SNTG1: variants seen among roughly 807,000 people sequenced by gnomAD.
The protein encoded by SNTG1 is syntrophin gamma 1, also known as gamma-1-syntrophin.
SNTG1 carries 39 observed loss-of-function variants against 74.7 expected under a neutral mutation model. That is an observed-to-expected ratio of 0.52 (90% CI 0.40 to 0.68). SNTG1 has a LOEUF of 0.68. Ranked by LOEUF, SNTG1 falls within the 30% of genes least tolerant of loss-of-function variation. The pLI is 0.00. For synonymous variants in SNTG1, 254 were observed against 217.1 expected, an observed-to-expected ratio of 1.17 and a Z score of -1.49; for missense variants, 685 against 609.5, an observed-to-expected ratio of 1.12 and a Z score of -1.30.
At chr8:50,769,324 T>G (rs998241674) in intron 18 of SNTG1, among the ~76,000 whole-genome samples, 24 of 152,174 alleles carry the variant, frequency 1.6e-4, no homozygotes, top group African/African-American at 5.3e-4. Flanking sequence ...AGTAATCATC[T>G]ACGAAGAGAA....
At chr8:50,048,865 G>A (rs1819323651) in intron 1 of SNTG1, among the ~76,000 whole-genome samples, 1 of 152,048 alleles carries the variant, frequency 6.6e-6, no homozygotes. Context: ...TAGGACTGGG[G>A]TTTGGTTTTT....
At chr8:50,320,794 G>A (rs888890912) in intron 2 of SNTG1, among the ~76,000 whole-genome samples, 4 of 151,794 alleles carry the variant, frequency 2.6e-5, no homozygotes, top group African/African-American at 4.8e-5. Flanking sequence ...GGATCATATC[G>A]TTTCATTTTC....
chr8:49,965,983 C>T (rs560969262), intron 1 of SNTG1, among the ~76,000 whole-genome samples: 1 of 152,256 alleles, frequency 6.6e-6, no homozygotes, highest in South Asian at 2.1e-4. Context: ...GCCTCCCCTT[C>T]ATCTACCCAA....
At chr8:50,518,165 C>T (rs2094149492) in intron 9 of SNTG1, among the ~76,000 whole-genome samples, 1 of 152,142 alleles carries the variant, frequency 6.6e-6, no homozygotes, top group Non-Finnish European at 1.5e-5. Context: ...CTCAAAACCA[C>T]ACAACTACAT....
chr8:50,315,615 A>T (rs2090285515), intron 2 of SNTG1, among the ~76,000 whole-genome samples: 1 of 150,056 alleles, frequency 6.7e-6, no homozygotes, highest in African/African-American at 2.5e-5. Context: ...AATAAAGCAG[A>T]AAACCTGCAG....
rs1482375164 is a variant in SNTG1 at position 50,115,576 on chromosome 8, A to AAAAAAAAAAAAAAAAAAAAAAAAAC, written c.-102-56974_-102-56973insAAAAAAAAAAAAACAAAAAAAAAAA. Among the ~76,000 whole-genome samples the AAAAAAAAAAAAAAAAAAAAAAAAAC allele has an allele frequency of 4.1e-4, 34 of 82,896 alleles. 5 individuals are homozygous for AAAAAAAAAAAAAAAAAAAAAAAAAC. Among genetic ancestry groups the AAAAAAAAAAAAAAAAAAAAAAAAAC allele is most frequent in the East Asian group, 7.0e-4 (1 of 1,426 alleles). The allele number at this position is 82,896 out of a possible 152,430, so 54.4% of individuals were successfully genotyped here. A position where few individuals can be genotyped will look rare whatever the true frequency, so the allele number is the denominator to read the frequency against. ...GAGCGAGACTCTGTCTCAAAAAAAA[A>AAAAAAAAAAAAAAAAAAAAAAAAAC]AAAAAAAAAAACGAGATGGTTGAAG... On this transcript the variant is annotated intron_variant, in intron 1 of 18. Coordinates refer to ENST00000642720, the MANE Select transcript of SNTG1 (RefSeq NM_018967.5).
chr8:49,920,534 A>C (rs1356094275), intron 1 of SNTG1, among the ~76,000 whole-genome samples: 27 of 152,088 alleles, frequency 1.8e-4, no homozygotes, highest in Non-Finnish European at 7.4e-5. Context: ...TTTAGATTGC[A>C]GTAAATAAAT....
chr8:50,771,176 A>G (rs916376861), intron 18 of SNTG1, among the ~76,000 whole-genome samples: 7 of 152,108 alleles, frequency 4.6e-5, no homozygotes, highest in Admixed American at 4.6e-4. Context: ...CTGTATTGCT[A>G]TGAATGGGAT....
In SNTG1 at chr8:50,470,334, G is replaced by A. The variant is rs143788078; in HGVS notation, c.363+19605G>A. Among the ~76,000 whole-genome samples the A allele has an allele frequency of 6.4e-4, 98 of 152,298 alleles. No individual in the cohort carries two copies. The South Asian group carries it at 7.2e-3, about 11-fold the overall frequency. On this transcript the variant is annotated intron_variant, in intron 8 of 18. Transcript: ENST00000642720. ...ATTGTGTCCAGAATTGGTTCCTTCC[G>A]GTGGGTTCTTGGTCTCGCTGACTTC... is the stretch of plus-strand genomic sequence containing the variant.
intron 2 of SNTG1, among the ~76,000 whole-genome samples, chr8:50,268,179 A>C (rs2087577835): frequency 6.6e-6 from 1 of 152,172 alleles, no homozygotes; most frequent in African/African-American, 2.4e-5. Context: ...CAGGAAAATT[A>C]TTTGGTAAAA....
intron 4 of SNTG1, among the ~76,000 whole-genome samples, chr8:50,435,742 A>G (rs1203934026): frequency 6.6e-6 from 1 of 152,170 alleles, no homozygotes; most frequent in Non-Finnish European, 1.5e-5. Context: ...TATAATTTGC[A>G]TGTTGTGTGT....
At chr8:49,965,786 G>A (rs1206213281) in intron 1 of SNTG1, among the ~76,000 whole-genome samples, 3 of 152,098 alleles carry the variant, frequency 2.0e-5, no homozygotes, top group Non-Finnish European at 4.4e-5. Context: ...ACAAATTTTA[G>A]TTATCATCCT....
intron 15 of SNTG1, among the ~76,000 whole-genome samples, chr8:50,668,918 G>A (rs1268571795): frequency 6.6e-6 from 1 of 151,950 alleles, no homozygotes; most frequent in Non-Finnish European, 1.5e-5. Flanking sequence ...CTTTGCAATT[G>A]TAAATAGTGC....
chr8:50,299,072 C>A (rs759662829), intron 2 of SNTG1, among the ~76,000 whole-genome samples: 1 of 152,220 alleles, frequency 6.6e-6, no homozygotes, highest in African/African-American at 2.4e-5. Context: ...AAAGTAATTA[C>A]AAAGTAATTG....
intron 1 of SNTG1, among the ~76,000 whole-genome samples, chr8:49,968,433 G>A (rs78036395): frequency 0.048 from 7,373 of 152,078 alleles, 603 homozygotes; most frequent in African/African-American, 0.16. Context: ...TTACCCATTA[G>A]GTTGGCACAA....
Position 50,553,187 on chromosome 8 carries a change from A to G in SNTG1, c.810+8A>G, listed in dbSNP as rs2094437193. On this transcript the variant is annotated splice_region_variant and intron_variant, in intron 12 of 18. Transcript: ENST00000642720. The stretch of plus-strand genomic sequence containing the variant: ...AATCTCACAAAGCACAATGTAAGTA[A>G]TGATTCAAGGAATACCTAGCCAGGG... 2 of 1,613,684 alleles carry G rather than the reference A, an allele frequency of 1.2e-6. No homozygotes were observed. The highest frequency in any genetic ancestry group is 4.5e-5 in the East Asian group (2 of 44,848).
intron 8 of SNTG1, among the ~76,000 whole-genome samples, chr8:50,458,337 G>GA (rs34134603): frequency 6.6e-6 from 1 of 152,044 alleles, no homozygotes; most frequent in South Asian, 2.1e-4. Flanking sequence ...GGAACATGCA[G>GA]AAAAAGAAGA....
At chr8:50,415,959 G>A (rs573684099) in intron 4 of SNTG1, among the ~76,000 whole-genome samples, 30 of 152,224 alleles carry the variant, frequency 2.0e-4, no homozygotes, top group African/African-American at 7.0e-4. Flanking sequence ...TGATGAGAGA[G>A]TAAAATGGAG....
At chr8:49,955,407 C>A (rs1381661572) in intron 1 of SNTG1, among the ~76,000 whole-genome samples, 2 of 152,326 alleles carry the variant, frequency 1.3e-5, no homozygotes, top group Admixed American at 6.5e-5. Context: ...GCCCTGGCAC[C>A]TCAGGTGAGG....
Sources: allele counts gnomAD v4.1 joint callset (sites outside exome capture counted in the v4.1 genomes callset), GRCh38; gene constraint gnomAD v4.1.1; transcripts MANE v1.5; gene names NCBI Gene and HGNC (gene_info 2026-07-23, HGNC 2026-07-21).